The following MTX3 variants were observed in gnomAD, a reference collection of about 807,000 sequenced individuals.
The protein encoded by MTX3 is metaxin-3.
Under a neutral mutation model 42.5 loss-of-function variants are expected in MTX3, and 27 were observed. The ratio of observed to expected loss-of-function variants is 0.64; its 90% CI spans 0.47 to 0.88. The LOEUF (loss-of-function observed/expected upper bound fraction) is 0.88, where lower values mean the gene tolerates loss of function less well. Ranked by LOEUF, MTX3 falls within the 40% of genes least tolerant of loss-of-function variation. The pLI is 0.00. For missense variants in MTX3, 378 were observed against 367.0 expected, an observed-to-expected ratio of 1.03 and a Z score of -0.25; for synonymous variants, 144 against 132.9, an observed-to-expected ratio of 1.08 and a Z score of -0.57.
At chr5:79,987,383 T>C (rs1490956745) in intron 6 of MTX3, among the ~76,000 whole-genome samples, 1 of 136,320 alleles carries the variant, frequency 7.3e-6, no homozygotes, top group Non-Finnish European at 1.5e-5. Flanking sequence ...GAGGTTGCAA[T>C]GAGCCAAGAT....
intron 7 of MTX3, 114 bp from the exon 8 acceptor site, chr5:79,985,773 C>CA: frequency 1.6e-6 from 1 of 638,322 alleles, no homozygotes. Flanking sequence ...CCACCCTCCC[C>CA]AAAAAAGGCA....
chr5:79,984,889 G>C lies in MTX3; in HGVS notation c.828+682C>G, dbSNP rs186413617. 2.6e-5 allele frequency among the ~76,000 whole-genome samples: 4 copies of C among 152,340 alleles called. No homozygotes were observed. In the East Asian group the frequency reaches 7.7e-4, roughly 29 times the overall value. On this transcript the variant is annotated intron_variant, in intron 8 of 8. Transcript: ENST00000512528. ...GGAAAGAAGAAAAGAACACGGTGCT[G>C]TTAATAAGAAAGGATAAGCCCAGTG...
Position 79,988,402 on chromosome 5 carries a change from T to C in MTX3, c.504+60A>G, listed in dbSNP as rs1006626795. The C allele has an allele frequency of 5.8e-6, 9 of 1,560,746 alleles. No individual in the cohort carries two copies. The Admixed American group carries it at 1.3e-4, about 22-fold the overall frequency. Reference sequence around the variant, plus strand: ...AGGCATCTCTAGGTAAACTCAAGTCTGCATTTTATCTTGTCCTTTCTCTCT... The same window carrying C: ...AGGCATCTCTAGGTAAACTCAAGTCCGCATTTTATCTTGTCCTTTCTCTCT... On this transcript the variant is annotated intron_variant, in intron 5 of 8. Coordinates refer to ENST00000512528, the MANE Select transcript of MTX3 (RefSeq NM_001363818.2).
intron 7 of MTX3, among the ~76,000 whole-genome samples, 192 bp from the exon 8 acceptor site, chr5:79,985,851 G>A (rs1831476604): frequency 6.6e-6 from 1 of 150,822 alleles, no homozygotes; most frequent in South Asian, 2.1e-4. Flanking sequence ...TAAACCCTGA[G>A]CAAAACGGAC....
Position 79,987,099 on chromosome 5 carries a change from G to A in MTX3, c.590C>T (p.Thr197Ile). The change falls in exon 7 of 9, where the codon ACC (threonine) becomes ATC (isoleucine). Residue 197 changes from threonine to isoleucine, a missense_variant. Transcript: ENST00000512528. ...SQFFFGDTPSTLDAYVFGFLA... is the reference protein window; with the variant it reads ...SQFFFGDTPSILDAYVFGFLA... The stretch of plus-strand genomic sequence containing the variant: ...AAAACCAAAAACATAGGCATCCAAG[G>A]TAGAAGGCCTAGAAATAAATTAAGG... The A allele has an allele frequency of 6.2e-7, 1 of 1,613,414 alleles. No homozygotes were observed. Among genetic ancestry groups the A allele is most frequent in the Non-Finnish European group, 8.5e-7 (1 of 1,179,682 alleles).
rs1831563362 is a variant in MTX3 at position 79,989,022 on chromosome 5, T to C, written c.321+130A>G. 4 of 605,068 alleles carry C rather than the reference T, an allele frequency of 6.6e-6. No individual in the cohort carries two copies. The East Asian group carries it at 1.2e-4, about 18-fold the overall frequency. 37.5% of individuals were successfully genotyped at this position (605,068 alleles called of 1,614,324 possible). On this transcript the variant is annotated intron_variant, in intron 4 of 8. Coordinates refer to ENST00000512528, the MANE Select transcript of MTX3 (RefSeq NM_001363818.2). ...CTAACAGAATCCAGTTTCACAGTAA[T>C]ATGAAGGAATTAAGATTAACATATA...
Position 79,983,486 on chromosome 5 carries a change from T to TG in MTX3, c.*197_*198insC. The TG allele has an allele frequency of 1.3e-5, 5 of 391,746 alleles. No homozygotes were observed. The highest frequency in any genetic ancestry group is 2.8e-5 in the South Asian group (1 of 36,060). The allele number at this position is 391,746 out of a possible 1,614,324, so 24.3% of individuals were successfully genotyped here. A position where few individuals can be genotyped will look rare whatever the true frequency, so the allele number is the denominator to read the frequency against. ...CCAACCAAGTTCATTTAGCATTCTC[T>TG]TTGTTATTAAAAATGCAGTGCCAAG... On this transcript the variant is annotated 3_prime_UTR_variant, in exon 9 of 9. Transcript: ENST00000512528.
chr5:79,985,082 T>C (rs984101043), intron 8 of MTX3, among the ~76,000 whole-genome samples: 44 of 152,126 alleles, frequency 2.9e-4, no homozygotes, highest in African/African-American at 1.0e-3. Context: ...CCCGGGTTCA[T>C]GCCATTCTCC....
chr5:79,989,601 A>T (rs1282605509), intron 3 of MTX3, among the ~76,000 whole-genome samples: 2 of 152,176 alleles, frequency 1.3e-5, no homozygotes, highest in Non-Finnish European at 2.9e-5. Flanking sequence ...AAAAGAAAAA[A>T]CCTTCCAATT....
rs1411037800 is a variant in MTX3 at position 79,990,582 on chromosome 5, T to C, written c.151+12A>G. 1 of 1,571,254 alleles carries C rather than the reference T, an allele frequency of 6.4e-7. No individual in the cohort carries two copies. The highest frequency in any genetic ancestry group is 8.7e-7 in the Non-Finnish European group (1 of 1,152,994). ...GAGTGCAGAAAGGGGAGTGTAAAGG[T>C]TTACACTATACCTCTTGAACCTCTC... On this transcript the variant is annotated intron_variant, in intron 2 of 8. Transcript: ENST00000512528.
Position 79,991,218 on chromosome 5 carries a change from G to T in MTX3, c.21C>A (p.Leu7=). MAAPLE[L]SCWGGGWGLP... is the part of the protein sequence containing the mutation. ...GTCCCCAGCCGCCTCCCCAGCAACTGAGTTCCAAGGGGGCCGCCATCTTGC... is the reference window on the plus strand; with the variant it reads ...GTCCCCAGCCGCCTCCCCAGCAACTTAGTTCCAAGGGGGCCGCCATCTTGC... Residue 7 remains leucine (L), a synonymous_variant, in exon 1 of 9, where the codon CTC becomes CTA. Transcript: ENST00000512528. 6.8e-7 allele frequency: 1 copy of T among 1,468,238 alleles called. No individual in the cohort carries two copies. The highest frequency in any genetic ancestry group is 9.0e-7 in the Non-Finnish European group (1 of 1,105,084). The allele number at this position is 1,468,238 out of a possible 1,614,324, so 91.0% of individuals were successfully genotyped here.
intron 7 of MTX3, among the ~76,000 whole-genome samples, chr5:79,986,426 A>G (rs1369396682): frequency 1.3e-5 from 2 of 152,184 alleles, no homozygotes; most frequent in Non-Finnish European, 1.5e-5. Flanking sequence ...CACTCTCTCA[A>G]TGAAGCACAT....
chr5:79,989,749 A>T (rs1322857688), intron 3 of MTX3, among the ~76,000 whole-genome samples: 1 of 152,266 alleles, frequency 6.6e-6, no homozygotes, highest in Admixed American at 6.5e-5. Flanking sequence ...ACATTTAGAT[A>T]CATTATTCCA....
chr5:79,983,790 T>A lies in MTX3; in HGVS notation c.833A>T (p.Asp278Val). The A allele has an allele frequency of 6.2e-7, 1 of 1,610,022 alleles. No individual in the cohort carries two copies. Among genetic ancestry groups the A allele is most frequent in the East Asian group, 2.2e-5 (1 of 44,866 alleles). ...NKESNLIEKMDDNLRQSPQLP... is the reference protein window; with the variant it reads ...NKESNLIEKMVDNLRQSPQLP... ...CTGAGGGCTTTGGCGAAGATTGTCATCCATCTGTAGAAAGTACAAAAGATA... is the reference window on the plus strand; with the variant it reads ...CTGAGGGCTTTGGCGAAGATTGTCAACCATCTGTAGAAAGTACAAAAGATA... The change falls in exon 9 of 9, where the codon GAT becomes GTT. Residue 278 changes from aspartate (D) to valine (V), a missense_variant. Asp to Val is a radical substitution (Grantham distance 152). Coordinates refer to ENST00000512528, the MANE Select transcript of MTX3 (RefSeq NM_001363818.2).
chr5:79,981,220 TG>T lies in MTX3; in HGVS notation c.*2463del, dbSNP rs1191329793. 6.6e-6 allele frequency: 1 copy of T among 152,174 alleles called. No individual in the cohort carries two copies. Among genetic ancestry groups the T allele is most frequent in the East Asian group, 1.9e-4 (1 of 5,192 alleles). The allele number at this position is 152,174 out of a possible 1,614,324, so 9.4% of individuals were successfully genotyped here. On this transcript the variant is annotated 3_prime_UTR_variant, in exon 9 of 9. Transcript: ENST00000512528. The stretch of plus-strand genomic sequence containing the variant: ...TCTAAGAGCTTCCTGTATGTGTGGC[TG>T]CTCCCTAAAGTACTTTGTGCTCAGT...
chr5:79,991,171 G>A lies in MTX3; in HGVS notation c.68C>T (p.Ser23Phe). The A allele has an allele frequency of 6.5e-7, 1 of 1,534,550 alleles. No homozygotes were observed. Among genetic ancestry groups the A allele is most frequent in the Non-Finnish European group, 8.8e-7 (1 of 1,137,344 alleles). Residue 23 changes from serine to phenylalanine, a missense_variant, in exon 1 of 9, where the codon TCC (serine) becomes TTC (phenylalanine). Coordinates refer to ENST00000512528, the MANE Select transcript of MTX3 (RefSeq NM_001363818.2). ...GWGLPSVHSE[S>F]LVVMAYAKFS... The stretch of plus-strand genomic sequence containing the variant: ...AGGCGGCCTCACCATCACCACCAGG[G>A]ACTCGCTGTGAACCGATGGGAGTCC...
intron 6 of MTX3, among the ~76,000 whole-genome samples, chr5:79,987,622 T>A (rs1435034037): frequency 6.6e-6 from 1 of 152,146 alleles, no homozygotes; most frequent in Non-Finnish European, 1.5e-5. Flanking sequence ...GTTTTACTCA[T>A]TGAGTAGCTT....
chr5:79,988,560 A>C lies in MTX3; in HGVS notation c.406T>G (p.Leu136Val), dbSNP rs183465908. 9.3e-6 allele frequency: 15 copies of C among 1,610,232 alleles called. No homozygotes were observed. The Admixed American group carries it at 1.0e-4, about 11-fold the overall frequency. The change falls in exon 5 of 9, where the codon TTG (leucine) becomes GTG (valine). Residue 136 changes from leucine to valine, a missense_variant. Physicochemically the swap from Leu to Val is conservative, Grantham distance 32. Transcript: ENST00000512528. The part of the protein sequence containing the change: ...FASQIPFPLS[L>V]ILPGRMSKGA... The stretch of plus-strand genomic sequence containing the variant: ...TTAGACATTCTTCCAGGCAGGATCA[A>C]ACTCAAAGGAAAAGGAATTTGTGAA...
At chr5:79,991,021 G>C (rs1831645512) in intron 1 of MTX3, 137 bp downstream of exon 1, 1 of 945,760 alleles carries the variant, frequency 1.1e-6, no homozygotes, top group African/African-American at 1.6e-5. Flanking sequence ...GTCGGTGGGA[G>C]GGAGCCCAGG....
Sources: allele counts gnomAD v4.1 joint callset (sites outside exome capture counted in the v4.1 genomes callset), GRCh38; gene constraint gnomAD v4.1.1; transcripts MANE v1.5; gene names NCBI Gene and HGNC (gene_info 2026-07-23, HGNC 2026-07-21).